The following CNTN5 variants were observed in gnomAD, a reference collection of about 807,000 sequenced individuals.
CNTN5 encodes contactin 5.
CNTN5 carries 77 observed loss-of-function variants against 129.1 expected under a neutral mutation model. The ratio of observed to expected loss-of-function variants is 0.60; its 90% CI spans 0.50 to 0.72. The LOEUF (loss-of-function observed/expected upper bound fraction) is 0.72, where lower values mean the gene tolerates loss of function less well. Among genes scored for constraint, CNTN5 ranks in the 30% least tolerant of loss-of-function variants. The pLI is 0.00. For synonymous variants in CNTN5, 509 were observed against 465.6 expected (o/e 1.09, Z -1.20); for missense variants, 1,478 against 1,328.8 (o/e 1.11, Z -1.75).
chr11:99,972,132 G>T (rs1042218409), intron 8 of CNTN5, among the ~76,000 whole-genome samples: 3 of 150,608 alleles, frequency 2.0e-5, no homozygotes, highest in Non-Finnish European at 4.4e-5. Flanking sequence ...GTGGTGGCGG[G>T]TGCCTGTAGT....
chr11:99,944,833 A>G (rs974208543), intron 7 of CNTN5, among the ~76,000 whole-genome samples: 11 of 152,160 alleles, frequency 7.2e-5, no homozygotes, highest in Admixed American at 3.9e-4. Context: ...TTCAAGAACT[A>G]CAAACTACTG....
intron 6 of CNTN5, among the ~76,000 whole-genome samples, chr11:99,876,320 G>A (rs767465890): frequency 5.9e-5 from 9 of 152,074 alleles, no homozygotes; most frequent in African/African-American, 1.4e-4. Context: ...TGCACTGTCC[G>A]CTAACTATAC....
intron 3 of CNTN5, among the ~76,000 whole-genome samples, chr11:99,633,451 C>T (rs1038844564): frequency 7.9e-5 from 12 of 152,102 alleles, no homozygotes; most frequent in African/African-American, 2.2e-4. Context: ...AAAATTTGCC[C>T]AGTATCATTG....
At chr11:99,758,082 G>A (rs1216333978) in intron 3 of CNTN5, among the ~76,000 whole-genome samples, 1 of 151,984 alleles carries the variant, frequency 6.6e-6, no homozygotes, top group African/African-American at 2.4e-5. Flanking sequence ...TTGCTTTGAT[G>A]TTAAGGTATA....
chr11:99,509,040 C>T (rs1026709414), intron 2 of CNTN5, among the ~76,000 whole-genome samples: 3 of 151,942 alleles, frequency 2.0e-5, no homozygotes, highest in Admixed American at 6.5e-5. Context: ...GAAAAAAATA[C>T]CATCTAATTT....
At chr11:99,058,573 T>A (rs1864733530) in intron 1 of CNTN5, among the ~76,000 whole-genome samples, 1 of 151,960 alleles carries the variant, frequency 6.6e-6, no homozygotes, top group Non-Finnish European at 1.5e-5. Flanking sequence ...ATTTCAGAGA[T>A]CTTTGCTTCT....
chr11:99,703,758 A>G (rs1451730078), intron 3 of CNTN5, among the ~76,000 whole-genome samples: 3 of 151,022 alleles, frequency 2.0e-5, no homozygotes, highest in East Asian at 1.9e-4. Flanking sequence ...GTTATTGGCC[A>G]TTGGTTAATT....
intron 1 of CNTN5, among the ~76,000 whole-genome samples, chr11:99,091,642 A>C (rs1159687342): frequency 1.3e-5 from 2 of 152,130 alleles, no homozygotes; most frequent in African/African-American, 4.8e-5. Flanking sequence ...CAGAAGAGGC[A>C]CTTCATCTGC....
intron 18 of CNTN5, among the ~76,000 whole-genome samples, chr11:100,283,961 TTAAATAAA>T (rs997441773): frequency 1.3e-5 from 2 of 151,792 alleles, no homozygotes; most frequent in East Asian, 3.9e-4. Flanking sequence ...AATAAAAAAT[TTAAATAAA>T]TAAATAAATA....
intron 2 of CNTN5, among the ~76,000 whole-genome samples, chr11:99,349,190 G>A (rs1017135031): frequency 7.2e-5 from 11 of 152,244 alleles, no homozygotes; most frequent in South Asian, 2.1e-4. Context: ...GTGCCCGATC[G>A]TGTCTGAAAG....
chr11:99,927,013 C>G (rs1471106287), intron 7 of CNTN5, among the ~76,000 whole-genome samples: 1 of 152,048 alleles, frequency 6.6e-6, no homozygotes, highest in Non-Finnish European at 1.5e-5. Context: ...TTGAGTGAGA[C>G]TAATTTTAAA....
At chr11:99,461,170 T>C (rs1033887913) in intron 2 of CNTN5, among the ~76,000 whole-genome samples, 5 of 152,078 alleles carry the variant, frequency 3.3e-5, no homozygotes, top group African/African-American at 4.8e-5. Context: ...GTAGATGATA[T>C]ATAGTAACAG....
At chr11:100,108,451 A>T (rs1189099370) in intron 13 of CNTN5, among the ~76,000 whole-genome samples, 1 of 152,156 alleles carries the variant, frequency 6.6e-6, no homozygotes, top group East Asian at 1.9e-4. Context: ...CAAATGGGAG[A>T]GACACATATT....
rs370066284 is a variant in CNTN5 at position 99,035,191 on chromosome 11, T to C, written c.-210+13921T>C. Among the ~76,000 whole-genome samples, 16 of 151,350 alleles carry C rather than the reference T, an allele frequency of 1.1e-4. No homozygotes were observed. In the East Asian group the frequency reaches 3.1e-3, roughly 30 times the overall value. ...TGCCGAGGAGAGCTTTACTTCCAAG[T>C]ATGTGGTCAATTTTGGAATAGGTGT... On this transcript the variant is annotated intron_variant, in intron 1 of 24. Transcript: ENST00000524871.
intron 1 of CNTN5, among the ~76,000 whole-genome samples, chr11:99,043,027 T>G (rs1443621412): frequency 6.6e-6 from 1 of 152,180 alleles, no homozygotes; most frequent in African/African-American, 2.4e-5. Flanking sequence ...CCCCTGGACC[T>G]TGGATTAATT....
intron 20 of CNTN5, among the ~76,000 whole-genome samples, chr11:100,302,863 A>G (rs1271036218): frequency 1.3e-5 from 2 of 151,680 alleles, no homozygotes; most frequent in African/African-American, 2.4e-5. Flanking sequence ...TAATTATTTT[A>G]GAGAAAACCT....
chr11:100,246,976 G>T (rs1949853497), intron 16 of CNTN5, among the ~76,000 whole-genome samples: 1 of 152,140 alleles, frequency 6.6e-6, no homozygotes, highest in Admixed American at 6.6e-5. Flanking sequence ...AAAATCTAAA[G>T]AGGAAAGCCA....
chr11:99,547,795 A>G (rs1948349302), intron 2 of CNTN5, among the ~76,000 whole-genome samples: 1 of 152,156 alleles, frequency 6.6e-6, no homozygotes, highest in Non-Finnish European at 1.5e-5. Context: ...TATAAAGACA[A>G]TCACCACATT....
At chr11:99,072,127 T>C (rs1317995769) in intron 1 of CNTN5, among the ~76,000 whole-genome samples, 1 of 152,014 alleles carries the variant, frequency 6.6e-6, no homozygotes, top group Non-Finnish European at 1.5e-5. Flanking sequence ...GATAGAAAAG[T>C]GACAGTTGAT....
Sources: allele counts gnomAD v4.1 joint callset (sites outside exome capture counted in the v4.1 genomes callset), GRCh38; gene constraint gnomAD v4.1.1; transcripts MANE v1.5; gene names NCBI Gene and HGNC (gene_info 2026-07-23, HGNC 2026-07-21).